The following DSCAM variants were observed in gnomAD, a reference collection of about 807,000 sequenced individuals.
The protein encoded by DSCAM is cell adhesion molecule DSCAM.
A neutral mutation model predicts 217.7 loss-of-function variants in DSCAM; 47 were observed. The ratio of observed to expected loss-of-function variants is 0.22; its 90% CI spans 0.17 to 0.28. The LOEUF (loss-of-function observed/expected upper bound fraction) is 0.28. Among genes scored for constraint, DSCAM ranks in the 10% least tolerant of loss-of-function variants. The pLI, the probability that DSCAM is intolerant of heterozygous loss-of-function variation, is 1.00. For synonymous variants in DSCAM, 1,056 were observed against 1,015.3 expected (o/e 1.04, Z -0.76); for missense variants, 2,080 against 2,618.3 (o/e 0.79, Z 4.49).
At chr21:40,411,816 C>T (rs1165407434) in intron 3 of DSCAM, among the ~76,000 whole-genome samples, 2 of 152,066 alleles carry the variant, frequency 1.3e-5, no homozygotes, top group Non-Finnish European at 2.9e-5. Flanking sequence ...AAATTAAACA[C>T]CTTAGACTAG....
chr21:40,732,765 T>C (rs13048830), intron 1 of DSCAM, among the ~76,000 whole-genome samples: 6,437 of 152,306 alleles, frequency 0.042, 168 homozygotes, highest in Middle Eastern at 0.075. Context: ...TGAGAGGACT[T>C]AAAATGTGAA....
chr21:40,595,202 AC>A (rs2077012301), intron 3 of DSCAM, among the ~76,000 whole-genome samples: 2 of 151,630 alleles, frequency 1.3e-5, no homozygotes, highest in African/African-American at 4.9e-5. Context: ...ACATGGTGAA[AC>A]CCCGTCTCTC....
chr21:40,676,309 C>A (rs1490702200), intron 3 of DSCAM, among the ~76,000 whole-genome samples: 1 of 152,176 alleles, frequency 6.6e-6, no homozygotes, highest in Non-Finnish European at 1.5e-5. Context: ...ATCAACTAAG[C>A]ATGTGCAGAG....
intron 32 of DSCAM, among the ~76,000 whole-genome samples, chr21:40,041,462 C>A (rs1036195176): frequency 1.3e-5 from 2 of 151,470 alleles, no homozygotes; most frequent in African/African-American, 4.9e-5. Flanking sequence ...CCAAGTTTTC[C>A]GGCTTCTCTT....
At chr21:40,437,207 C>T (rs1039763856) in intron 3 of DSCAM, among the ~76,000 whole-genome samples, 2 of 152,098 alleles carry the variant, frequency 1.3e-5, no homozygotes, top group African/African-American at 2.4e-5. Flanking sequence ...TGTAGACAGG[C>T]TCTGTGACAT....
intron 3 of DSCAM, among the ~76,000 whole-genome samples, chr21:40,667,393 A>G (rs2090215731): frequency 6.6e-6 from 1 of 152,202 alleles, no homozygotes; most frequent in Non-Finnish European, 1.5e-5. Context: ...CTTGATTTCT[A>G]TTTGTATTTA....
chr21:40,785,905 T>TTAGAGA lies in DSCAM; in HGVS notation c.43+60713_43+60714insTCTCTA, dbSNP rs2091589604. On this transcript the variant is annotated intron_variant, in intron 1 of 32. Coordinates refer to ENST00000400454, the MANE Select transcript of DSCAM (RefSeq NM_001389.5). ...ATCATCATTTTCCATTGAGATGGTA[T>TTAGAGA]TTTTTCCCTAATGCTGATATGCAAT... Among the ~76,000 whole-genome samples the TTAGAGA allele has an allele frequency of 2.0e-5, 3 of 152,234 alleles. No homozygotes were observed. The South Asian group carries it at 6.2e-4, about 31-fold the overall frequency.
intron 3 of DSCAM, among the ~76,000 whole-genome samples, chr21:40,434,943 G>A (rs540064183): frequency 4.2e-4 from 64 of 152,230 alleles, no homozygotes; most frequent in Middle Eastern, 3.4e-3. Context: ...AGTAGGAAAC[G>A]AAGAAAGAAC....
chr21:40,071,488 C>T (rs556683813), intron 27 of DSCAM, among the ~76,000 whole-genome samples: 1 of 152,266 alleles, frequency 6.6e-6, no homozygotes, highest in East Asian at 1.9e-4. Flanking sequence ...AAAACATACT[C>T]AGCTTATAAA....
At chr21:40,703,466 C>T (rs949390003) in intron 2 of DSCAM, among the ~76,000 whole-genome samples, 12 of 152,038 alleles carry the variant, frequency 7.9e-5, no homozygotes, top group South Asian at 2.1e-4. Context: ...CTGCAGTGAG[C>T]GATGATCACC....
intron 32 of DSCAM, among the ~76,000 whole-genome samples, chr21:40,033,350 T>C (rs372362564): frequency 7.9e-5 from 12 of 152,088 alleles, no homozygotes; most frequent in Non-Finnish European, 1.0e-4. Flanking sequence ...GGGCGAGGCA[T>C]TGCATCACTC....
chr21:40,220,116 A>G (rs942255374), intron 11 of DSCAM, among the ~76,000 whole-genome samples: 12 of 152,226 alleles, frequency 7.9e-5, no homozygotes, highest in Non-Finnish European at 1.6e-4. Context: ...CCTTAGCAAT[A>G]TAAAACTGCC....
At chr21:40,471,218 A>G (rs558066968) in intron 3 of DSCAM, among the ~76,000 whole-genome samples, 2 of 152,306 alleles carry the variant, frequency 1.3e-5, no homozygotes, top group South Asian at 4.1e-4. Flanking sequence ...GTTCTGACCA[A>G]TCCTGCAGAA....
intron 20 of DSCAM, among the ~76,000 whole-genome samples, chr21:40,103,141 A>G (rs574990747): frequency 4.6e-5 from 7 of 152,380 alleles, no homozygotes; most frequent in South Asian, 2.1e-4. Context: ...TAGGCTGTTC[A>G]TGTCAAACTA....
intron 3 of DSCAM, among the ~76,000 whole-genome samples, chr21:40,623,361 T>C (rs1471974489): frequency 6.6e-6 from 1 of 152,218 alleles, no homozygotes; most frequent in African/African-American, 2.4e-5. Context: ...TTAAGCACTT[T>C]GATGTAGCAA....
In DSCAM at chr21:40,246,354, TAAAAAAAAAAAAAAAAAAAAA is replaced by T. The variant is rs34308158; in HGVS notation, c.2356+29722_2356+29742del. Reference sequence around the variant, plus strand: ...CAACATGATGAAACCCAGTCCGTACTAAAAAAAAAAAAAAAAAAAAAAAAAAAAAAAAAAAAATTAGCTAGG... The same window carrying T: ...CAACATGATGAAACCCAGTCCGTACTAAAAAAAAAAAAAAAATTAGCTAGG... On this transcript the variant is annotated intron_variant, in intron 11 of 32. Coordinates refer to ENST00000400454, the MANE Select transcript of DSCAM (RefSeq NM_001389.5). 6.4e-3 allele frequency among the ~76,000 whole-genome samples: 89 copies of T among 13,934 alleles called. 1 individual carries two copies. The highest frequency in any genetic ancestry group is 0.04 in the Admixed American group (27 of 678). 9.1% of individuals were successfully genotyped at this position (13,934 alleles called of 152,430 possible).
intron 3 of DSCAM, among the ~76,000 whole-genome samples, chr21:40,655,808 C>A (rs2146368728): frequency 6.6e-6 from 1 of 152,298 alleles, no homozygotes; most frequent in Non-Finnish European, 1.5e-5. Context: ...AATCCTAGCA[C>A]TTTGGGAGGC....
chr21:40,488,429 G>A (rs544799689), intron 3 of DSCAM, among the ~76,000 whole-genome samples: 2 of 152,348 alleles, frequency 1.3e-5, no homozygotes, highest in Middle Eastern at 6.8e-3. Context: ...TTGTCTTTCT[G>A]CATCAGATTG....
At chr21:40,445,776 G>A (rs1330548165) in intron 3 of DSCAM, among the ~76,000 whole-genome samples, 1 of 152,160 alleles carries the variant, frequency 6.6e-6, no homozygotes, top group African/African-American at 2.4e-5. Flanking sequence ...AGTAACTATG[G>A]AAATTTGCAA....
Sources: allele counts gnomAD v4.1 joint callset (sites outside exome capture counted in the v4.1 genomes callset), GRCh38; gene constraint gnomAD v4.1.1; transcripts MANE v1.5; gene names NCBI Gene and HGNC (gene_info 2026-07-23, HGNC 2026-07-21).